EYS: variants seen among roughly 807,000 people sequenced by gnomAD.
EYS encodes the protein EGF-like photoreceptor maintenance factor.
A neutral mutation model predicts 282.1 loss-of-function variants in EYS; 250 were observed. The observed-to-expected ratio is 0.89, with a 90% CI of 0.80 to 0.98. The LOEUF is 0.98. Ranked by LOEUF, EYS falls within the 50% of genes least tolerant of loss-of-function variation. The probability of loss-of-function intolerance (pLI) is 0.00; values close to 1 mark genes in which losing one functional copy is unlikely to be tolerated. For missense variants in EYS, 4,016 were observed against 3,709.0 expected (o/e 1.08, Z -2.15); for synonymous variants, 1,355 against 1,282.9 (o/e 1.06, Z -1.20).
chr6:64,398,665 AC>A (rs1488506863), intron 28 of EYS, among the ~76,000 whole-genome samples: 1 of 151,890 alleles, frequency 6.6e-6, no homozygotes, highest in African/African-American at 2.4e-5. Context: ...TGATGTATGC[AC>A]CTTTTTTCTT....
chr6:65,041,986 C>T (rs937975651), intron 13 of EYS, among the ~76,000 whole-genome samples: 3 of 151,616 alleles, frequency 2.0e-5, no homozygotes, highest in African/African-American at 7.3e-5. Context: ...TTGTCTCTAT[C>T]TGTAACAAAC....
At chr6:64,274,321 C>T (rs921985290) in intron 30 of EYS, among the ~76,000 whole-genome samples, 4 of 151,890 alleles carry the variant, frequency 2.6e-5, no homozygotes, top group East Asian at 1.9e-4. Context: ...AATACAGGCC[C>T]GCGCCACCAC....
intron 10 of EYS, among the ~76,000 whole-genome samples, chr6:65,335,946 TCTC>T (rs562131149): frequency 7.1e-4 from 108 of 151,798 alleles, no homozygotes; most frequent in African/African-American, 1.7e-3. Flanking sequence ...CCCTTGCTGT[TCTC>T]CTGATACTGA....
intron 2 of EYS, among the ~76,000 whole-genome samples, chr6:65,522,681 G>T (rs1767415708): frequency 6.6e-6 from 1 of 152,046 alleles, no homozygotes; most frequent in Non-Finnish European, 1.5e-5. Context: ...TATGTATTTT[G>T]CATATTATGT....
At chr6:64,139,625 G>A (rs113064820) in intron 31 of EYS, among the ~76,000 whole-genome samples, 1,947 of 152,166 alleles carry the variant, frequency 0.013, 30 homozygotes, top group African/African-American at 0.036. Flanking sequence ...GCATTGAAGA[G>A]TTGAGCAGAG....
At position 65,057,752 on chromosome 6, in the gene EYS, G is replaced by T. The variant is rs529823922; in HGVS notation, c.2024-25C>A. 43 of 1,284,356 alleles carry T rather than the reference G, an allele frequency of 3.3e-5. No individual in the cohort carries two copies. In the Middle Eastern group the frequency reaches 2.1e-3, roughly 61 times the overall value. The allele number at this position is 1,284,356 out of a possible 1,614,324, so 79.6% of individuals were successfully genotyped here. On this transcript the variant is annotated intron_variant, in intron 12 of 42. Coordinates refer to ENST00000503581, the MANE Select transcript of EYS (RefSeq NM_001142800.2). ...CCTTTGGAAAATAGGAAAAAAAAAT[G>T]TTAAGTGTTAACAAGACAGGCATGT... is the stretch of plus-strand genomic sequence containing the variant.
rs374462615 is a variant in EYS, at chr6:65,524,074, G to T, written c.-332-28081C>A. 4.6e-5 allele frequency among the ~76,000 whole-genome samples: 7 copies of T among 152,296 alleles called. No individual in the cohort carries two copies. The South Asian group carries it at 1.2e-3, about 27-fold the overall frequency. ...TTTAGTAGAGACGGGGTTTCGCCAT[G>T]TTGGCCAGGCTGGTCTCAAACTCCC... On this transcript the variant is annotated intron_variant, in intron 2 of 42. Coordinates refer to ENST00000503581, the MANE Select transcript of EYS (RefSeq NM_001142800.2).
intron 29 of EYS, among the ~76,000 whole-genome samples, chr6:64,339,181 G>C (rs1770990559): frequency 6.6e-6 from 1 of 151,928 alleles, no homozygotes; most frequent in Non-Finnish European, 1.5e-5. Context: ...ACAGTCAGCA[G>C]AGTAAACAGA....
At position 64,475,469 on chromosome 6, in the gene EYS, T is replaced by A. The variant is rs1417981708; in HGVS notation, c.5645-36117A>T. 6.0e-4 allele frequency among the ~76,000 whole-genome samples: 45 copies of A among 74,882 alleles called. 10 individuals carry two copies. Among genetic ancestry groups the A allele is most frequent in the Non-Finnish European group, 3.8e-4 (13 of 34,658 alleles). The allele number at this position is 74,882 out of a possible 152,430, so 49.1% of individuals were successfully genotyped here. A position where few individuals can be genotyped will look rare whatever the true frequency, so the allele number is the denominator to read the frequency against. ...GGGAGGCTGAGGCAGGAGAATGGCG[T>A]GAACCCGGGAGGCGGAGCTTGCAGT... On this transcript the variant is annotated intron_variant, in intron 26 of 42. Coordinates refer to ENST00000503581, the MANE Select transcript of EYS (RefSeq NM_001142800.2).
chr6:65,091,926 G>C (rs189023898), intron 12 of EYS, among the ~76,000 whole-genome samples: 1 of 151,992 alleles, frequency 6.6e-6, no homozygotes, highest in Non-Finnish European at 1.5e-5. Context: ...ACCTGCCTAC[G>C]GTCCCTCGAG....
chr6:65,361,897 A>G (rs922494429), intron 8 of EYS, among the ~76,000 whole-genome samples: 3 of 152,198 alleles, frequency 2.0e-5, no homozygotes, highest in Admixed American at 6.6e-5. Context: ...TGAGAAAATG[A>G]CTGAAGAAAT....
chr6:64,765,797 C>T (rs777841276), intron 22 of EYS, among the ~76,000 whole-genome samples: 1 of 151,962 alleles, frequency 6.6e-6, no homozygotes, highest in South Asian at 2.1e-4. Context: ...GGAAATCTGC[C>T]CCCCATGATC....
intron 29 of EYS, among the ~76,000 whole-genome samples, chr6:64,354,173 AT>A (rs1771743693): frequency 1.3e-5 from 2 of 151,624 alleles, no homozygotes; most frequent in African/African-American, 4.8e-5. Context: ...ACAATCCCTG[AT>A]TTATTTGAGC....
intron 30 of EYS, among the ~76,000 whole-genome samples, chr6:64,262,604 C>G (rs549779140): frequency 8.6e-5 from 13 of 152,044 alleles, no homozygotes; most frequent in Admixed American, 8.5e-4. Context: ...TCCCACTCAA[C>G]CCCCTGGTGA....
chr6:63,770,232 G>A (rs2149660386), intron 40 of EYS, among the ~76,000 whole-genome samples: 3 of 152,148 alleles, frequency 2.0e-5, no homozygotes, highest in Middle Eastern at 6.8e-3. Context: ...TTGCAGATGA[G>A]AAGCTAATAC....
chr6:63,942,911 A>T (rs543825774), intron 35 of EYS, among the ~76,000 whole-genome samples: 1 of 152,248 alleles, frequency 6.6e-6, no homozygotes, highest in East Asian at 1.9e-4. Flanking sequence ...CTTGATTCTG[A>T]TCACTTTCAC....
chr6:64,691,462 T>C (rs928348412), intron 22 of EYS, among the ~76,000 whole-genome samples: 1 of 152,218 alleles, frequency 6.6e-6, no homozygotes, highest in Non-Finnish European at 1.5e-5. Flanking sequence ...TCAATGAATT[T>C]TTATATGCAA....
chr6:64,569,470 G>T (rs2149816342), intron 26 of EYS, among the ~76,000 whole-genome samples: 1 of 152,152 alleles, frequency 6.6e-6, no homozygotes, highest in Admixed American at 6.5e-5. Flanking sequence ...AGCCGGGCGT[G>T]GTGGCTCACG....
chr6:64,142,953 TA>T (rs1774384995), intron 31 of EYS, among the ~76,000 whole-genome samples: 1 of 152,040 alleles, frequency 6.6e-6, no homozygotes, highest in Non-Finnish European at 1.5e-5. Flanking sequence ...GTAAATTGTT[TA>T]AAAAAATGTG....
Sources: allele counts gnomAD v4.1 joint callset (sites outside exome capture counted in the v4.1 genomes callset), GRCh38; gene constraint gnomAD v4.1.1; transcripts MANE v1.5; gene names NCBI Gene and HGNC (gene_info 2026-07-23, HGNC 2026-07-21).